EML6: variants seen among roughly 807,000 people sequenced by gnomAD.
The protein encoded by EML6 is echinoderm microtubule-associated protein-like 6.
In EML6, 154 loss-of-function variants were observed where a neutral mutation model predicts 240.1. The observed-to-expected ratio is 0.64, with a 90% CI of 0.56 to 0.73. EML6 has a LOEUF of 0.73. EML6 is among the 30% of genes least tolerant of loss of function. The pLI is 0.00. For synonymous variants in EML6, 1,148 were observed against 899.0 expected (o/e 1.28, Z -4.95); for missense variants, 2,964 against 2,474.6 (o/e 1.20, Z -4.20).
At chr2:54,920,110 C>T (rs989016512) in intron 26 of EML6, among the ~76,000 whole-genome samples, 1 of 151,986 alleles carries the variant, frequency 6.6e-6, no homozygotes, top group African/African-American at 2.4e-5. Context: ...CTTTACACTT[C>T]AGAAAACTAG....
Position 54,725,068 on chromosome 2 carries a change from G to A in EML6, c.7G>A (p.Asp3Asn). The A allele has an allele frequency of 6.6e-7, 1 of 1,525,110 alleles. No individual in the cohort carries two copies. The highest frequency in any genetic ancestry group is 8.8e-7 in the Non-Finnish European group (1 of 1,136,426). 94.5% of individuals were successfully genotyped at this position (1,525,110 alleles called of 1,614,324 possible). The stretch of plus-strand genomic sequence containing the variant: ...CGCGCGGGGTCGGCTTATCATGGCG[G>A]ATCGGACGGCGCCCCGCTGCCAGCT... MA[D>N]RTAPRCQLRL... The change falls in exon 2 of 42, where the codon GAT becomes AAT. Residue 3 changes from aspartate (D) to asparagine (N), a missense_variant. By Grantham distance (23) the Asp-to-Asn change is conservative (BLOSUM62 1). Coordinates refer to ENST00000356458, the MANE Select transcript of EML6 (RefSeq NM_001039753.4). The surrounding 1 kb of genome is among the most constrained non-coding windows in gnomAD (Gnocchi z 4.3).
intron 15 of EML6, among the ~76,000 whole-genome samples, chr2:54,871,269 A>G (rs1671242041): frequency 6.6e-6 from 1 of 152,228 alleles, no homozygotes; most frequent in South Asian, 2.1e-4. Context: ...CCCAGGCATC[A>G]GGTTAGGCTC....
At chr2:54,736,402 GTC>G (rs1683392940) in intron 2 of EML6, among the ~76,000 whole-genome samples, 1 of 152,180 alleles carries the variant, frequency 6.6e-6, no homozygotes, top group Non-Finnish European at 1.5e-5. Flanking sequence ...CATGGGCTCT[GTC>G]TCTAACCAGA....
intron 37 of EML6, 105 bp from the exon 38 acceptor site, chr2:54,964,466 C>T: frequency 9.2e-7 from 1 of 1,081,082 alleles, no homozygotes; most frequent in Non-Finnish European, 1.3e-6. Context: ...CAAGGTGGCT[C>T]TCATTGCCTT....
intron 29 of EML6, among the ~76,000 whole-genome samples, chr2:54,949,809 G>T (rs1036180413): frequency 6.6e-6 from 1 of 152,142 alleles, no homozygotes; most frequent in Non-Finnish European, 1.5e-5. Flanking sequence ...CAAACCCACC[G>T]CTAGTGTTCT....
chr2:54,845,824 T>C (rs1669720519), intron 8 of EML6, among the ~76,000 whole-genome samples: 1 of 152,174 alleles, frequency 6.6e-6, no homozygotes, highest in Non-Finnish European at 1.5e-5. Context: ...GGCAGAATGC[T>C]TTGAGAGAAA....
At chr2:54,934,905 A>C (rs1029015830) in intron 28 of EML6, among the ~76,000 whole-genome samples, 1 of 152,240 alleles carries the variant, frequency 6.6e-6, no homozygotes, top group Non-Finnish European at 1.5e-5. Flanking sequence ...CAAGGGAAAG[A>C]TATATCAATT....
intron 2 of EML6, chr2:54,747,499 A>T (rs2103684394): frequency 6.6e-6 from 1 of 152,358 alleles, no homozygotes; most frequent in South Asian, 2.1e-4. Flanking sequence ...CATTTTGTGA[A>T]ATGACTAAAA....
At chr2:54,878,320 A>G (rs1671615828) in intron 16 of EML6, among the ~76,000 whole-genome samples, 1 of 152,060 alleles carries the variant, frequency 6.6e-6, no homozygotes, top group East Asian at 1.9e-4. Flanking sequence ...TGCTTTATTT[A>G]CCCTCATGGC....
rs567484256 is a variant in EML6, at chr2:54,971,413, G to C, written c.*1318G>C. The C allele has an allele frequency of 1.3e-5, 2 of 152,188 alleles. No homozygotes were observed. The highest frequency in any genetic ancestry group is 2.9e-5 in the Non-Finnish European group (2 of 68,046). The allele number at this position is 152,188 out of a possible 1,614,324, so 9.4% of individuals were successfully genotyped here. ...GACTGGTGGTTCTGAGCACATAGAC[G>C]CCTATTAGTCCTTCTGGTCAGTGAA... On this transcript the variant is annotated 3_prime_UTR_variant, in exon 42 of 42. Transcript: ENST00000356458.
At chr2:54,748,111 C>G (rs1203181408) in intron 2 of EML6, among the ~76,000 whole-genome samples, 6 of 151,836 alleles carry the variant, frequency 4.0e-5, no homozygotes, top group African/African-American at 1.5e-4. Flanking sequence ...TTAATTCTGG[C>G]AAGACACCAA....
intron 7 of EML6, among the ~76,000 whole-genome samples, chr2:54,833,725 T>A (rs1668991980): frequency 6.6e-6 from 1 of 152,226 alleles, no homozygotes; most frequent in Non-Finnish European, 1.5e-5. Context: ...TGTGCATCTT[T>A]TGTGAGTTAT....
rs1173867844 is a variant in EML6, at chr2:54,902,931, G to A, written c.3125-113G>A. 3.3e-6 allele frequency: 3 copies of A among 921,220 alleles called. No homozygotes were observed. The African/African-American group carries it at 5.0e-5, about 15-fold the overall frequency. 57.1% of individuals were successfully genotyped at this position (921,220 alleles called of 1,614,324 possible). A position where few individuals can be genotyped will look rare whatever the true frequency, so the allele number is the denominator to read the frequency against. The stretch of plus-strand genomic sequence containing the variant: ...CTCACAAGTGTAGTGTCAATTTAAA[G>A]GCAGTCACGTGTCCATACATAATGC... On this transcript the variant is annotated intron_variant, in intron 22 of 41. Transcript: ENST00000356458.
At chr2:54,948,600 T>C (rs2104476022) in intron 28 of EML6, among the ~76,000 whole-genome samples, 1 of 152,062 alleles carries the variant, frequency 6.6e-6, no homozygotes, top group Middle Eastern at 3.4e-3. Flanking sequence ...TTCTTCCTGC[T>C]CCCCCTGCTC....
intron 25 of EML6, among the ~76,000 whole-genome samples, chr2:54,915,929 TA>T (rs1418275538): frequency 9.9e-5 from 15 of 152,192 alleles, no homozygotes; most frequent in Non-Finnish European, 1.5e-5. Context: ...CAGAAAGCCA[TA>T]ATGTTGTTGT....
At chr2:54,968,334 A>T (rs925395149) in intron 40 of EML6, 53 bp downstream of exon 40, 4 of 1,524,504 alleles carry the variant, frequency 2.6e-6, no homozygotes, top group African/African-American at 1.4e-5. Flanking sequence ...GGCCGTCTGC[A>T]GGAGATAGGG....
intron 12 of EML6, 69 bp from the exon 13 acceptor site, chr2:54,863,714 T>C (rs1467896774): frequency 3.9e-6 from 3 of 760,954 alleles, no homozygotes; most frequent in Non-Finnish European, 6.7e-6. Flanking sequence ...AGGAAAAATA[T>C]TTTAGATAAT....
intron 24 of EML6, among the ~76,000 whole-genome samples, chr2:54,907,946 A>T (rs970201489): frequency 3.7e-4 from 14 of 37,966 alleles, no homozygotes; most frequent in Non-Finnish European, 5.4e-4. Context: ...ATAGATAGAT[A>T]AGATAGATAG....
At chr2:54,907,334 C>T (rs1673376858) in intron 24 of EML6, among the ~76,000 whole-genome samples, 1 of 152,082 alleles carries the variant, frequency 6.6e-6, no homozygotes, top group African/African-American at 2.4e-5. Context: ...TGGTGAAACC[C>T]TATCTCTACT....
Sources: gnomAD v4.1 joint callset for allele counts (sites outside exome capture counted in the v4.1 genomes callset) on GRCh38, gnomAD v4.1.1 for gene constraint, Gnocchi (gnomAD v3.1) non-coding constraint, MANE v1.5 for transcripts, NCBI Gene and HGNC (gene_info 2026-07-23, HGNC 2026-07-21) for gene names.